The following DNAH7 variants were observed in gnomAD, a reference collection of about 807,000 sequenced individuals.
The protein encoded by DNAH7 is dynein axonemal heavy chain 7.
A neutral mutation model predicts 444.6 loss-of-function variants in DNAH7; 397 were observed. The observed-to-expected ratio is 0.89, with a 90% confidence interval of 0.82 to 0.97. The LOEUF (loss-of-function observed/expected upper bound fraction) is 0.97, where lower values mean the gene tolerates loss of function less well. Ranked by LOEUF, DNAH7 falls within the 50% of genes least tolerant of loss-of-function variation. The pLI is 0.00. For missense variants in DNAH7, 4,902 were observed against 4,800.8 expected (o/e 1.02, Z -0.62); for synonymous variants, 1,636 against 1,624.4 (o/e 1.01, Z -0.17).
At chr2:195,868,777 T>TA (rs1700504124) in intron 40 of DNAH7, among the ~76,000 whole-genome samples, 1 of 150,922 alleles carries the variant, frequency 6.6e-6, no homozygotes, top group African/African-American at 2.4e-5. Flanking sequence ...AACCAGGTGA[T>TA]ACGTGCATTA....
chr2:195,747,405 A>T (rs1356080796), intron 63 of DNAH7, among the ~76,000 whole-genome samples: 1 of 152,250 alleles, frequency 6.6e-6, no homozygotes, highest in Non-Finnish European at 1.5e-5. Flanking sequence ...ATTCTACCAG[A>T]GGCACAAGGA....
intron 49 of DNAH7, among the ~76,000 whole-genome samples, chr2:195,823,555 C>T (rs1424870771): frequency 1.3e-5 from 2 of 152,104 alleles, no homozygotes; most frequent in Non-Finnish European, 2.9e-5. Context: ...ACTCTTGCCT[C>T]TCTATATAAC....
intron 53 of DNAH7, 147 bp from the exon 54 acceptor site, chr2:195,806,979 AAAAT>A (rs1696745076): frequency 3.5e-6 from 2 of 564,138 alleles, no homozygotes. Context: ...GGGACATTAT[AAAAT>A]AAATAATAAT....
rs115005531 is a variant in DNAH7 at position 195,928,483 on chromosome 2, T to C, written c.3472-1917A>G. On this transcript the variant is annotated intron_variant, in intron 21 of 64. Transcript: ENST00000312428. ...GCTAAAGAGTGGCCAAAGTGGAATA[T>C]ATTAATATTGCCAATGGTTACAAAA... is the stretch of plus-strand genomic sequence containing the variant. Among the ~76,000 whole-genome samples the C allele has an allele frequency of 7.1e-3, 1,083 of 152,288 alleles. 7 individuals are homozygous for C. The highest frequency in any genetic ancestry group is 0.024 in the African/African-American group (1,017 of 41,572).
At chr2:195,934,494 T>C in intron 21 of DNAH7, 97 bp downstream of exon 21, 1 of 1,299,100 alleles carries the variant, frequency 7.7e-7, no homozygotes. Context: ...CATGCCTCCA[T>C]TTCTGTTTAA....
Position 195,886,210 on chromosome 2 carries a change from A to G in DNAH7, c.5469T>C (p.Phe1823=). 8 of 1,613,988 alleles carry G rather than the reference A, an allele frequency of 5.0e-6. No individual in the cohort carries two copies. The highest frequency in any genetic ancestry group is 5.9e-6 in the Non-Finnish European group (7 of 1,179,934). Residue 1823 remains phenylalanine, a synonymous_variant, in exon 34 of 65, where the codon TTT becomes TTC. Coordinates refer to ENST00000312428, the MANE Select transcript of DNAH7 (RefSeq NM_018897.3). ...TGACTTCATCAGCAAAATCATCCAT[A>G]AAACAGTCTATTAGATTCATTAAGG... ...VRSLMNLIDC[F]MDDFADEVKL...
At chr2:195,921,193 A>G (rs1278720728) in intron 24 of DNAH7, among the ~76,000 whole-genome samples, 1 of 152,244 alleles carries the variant, frequency 6.6e-6, no homozygotes, top group African/African-American at 2.4e-5. Context: ...CATTTGATCA[A>G]GCAATCCCAT....
intron 19 of DNAH7, among the ~76,000 whole-genome samples, chr2:195,952,346 G>C (rs777343103): frequency 4.6e-5 from 7 of 151,602 alleles, no homozygotes; most frequent in Non-Finnish European, 1.0e-4. Context: ...CGACCTTTCT[G>C]GCTGCCCTTA....
At chr2:195,815,817 A>T (rs1010466268) in intron 51 of DNAH7, among the ~76,000 whole-genome samples, 2 of 152,140 alleles carry the variant, frequency 1.3e-5, no homozygotes, top group African/African-American at 4.8e-5. Context: ...CCTGGCTGAC[A>T]TGGTGAAACC....
At chr2:195,741,818 T>A (rs1158209128) in intron 63 of DNAH7, among the ~76,000 whole-genome samples, 1 of 152,184 alleles carries the variant, frequency 6.6e-6, no homozygotes, top group Non-Finnish European at 1.5e-5. Flanking sequence ...GATGGAAATG[T>A]TCTATGTGTT....
chr2:195,940,187 G>A (rs1689328941), intron 19 of DNAH7, among the ~76,000 whole-genome samples: 2 of 152,010 alleles, frequency 1.3e-5, no homozygotes, highest in African/African-American at 2.4e-5. Context: ...ATAGACCAAT[G>A]GAACAGAACA....
intron 26 of DNAH7, 60 bp downstream of exon 26, chr2:195,906,847 T>C: frequency 6.2e-7 from 1 of 1,608,400 alleles, no homozygotes; most frequent in Non-Finnish European, 8.5e-7. Context: ...AGCTGTGCCA[T>C]TCACTACCTC....
chr2:195,876,111 C>G (rs1014608926), intron 37 of DNAH7, among the ~76,000 whole-genome samples: 1 of 152,122 alleles, frequency 6.6e-6, no homozygotes. Flanking sequence ...ATTTGTTTCT[C>G]AATATACTGC....
intron 1 of DNAH7, among the ~76,000 whole-genome samples, chr2:196,060,332 C>T (rs1698068027): frequency 6.6e-6 from 1 of 152,160 alleles, no homozygotes; most frequent in African/African-American, 2.4e-5. Context: ...CCATTATCCC[C>T]CAAACTCTCT....
At chr2:196,018,623 CA>C (rs1000300415) in intron 9 of DNAH7, among the ~76,000 whole-genome samples, 3 of 151,866 alleles carry the variant, frequency 2.0e-5, no homozygotes. Context: ...ACAAATAAAG[CA>C]GAAATTCTAG....
chr2:195,932,528 T>G (rs990486291), intron 21 of DNAH7, among the ~76,000 whole-genome samples: 3 of 152,136 alleles, frequency 2.0e-5, no homozygotes, highest in Non-Finnish European at 2.9e-5. Context: ...TTTTTGCCCA[T>G]TCAGTATGAT....
chr2:195,813,263 T>C (rs1211017693), intron 51 of DNAH7, among the ~76,000 whole-genome samples: 1 of 152,248 alleles, frequency 6.6e-6, no homozygotes, highest in African/African-American at 2.4e-5. Flanking sequence ...ATTCTTTATG[T>C]TGAAAATAAG....
intron 10 of DNAH7, 50 bp from the exon 11 acceptor site, chr2:196,001,908 C>T (rs1489507016): frequency 5.5e-6 from 8 of 1,446,244 alleles, no homozygotes; most frequent in Non-Finnish European, 7.5e-6. Context: ...GTGAATTACT[C>T]CTTTTATATT....
At chr2:195,978,557 A>G (rs1692351947) in intron 15 of DNAH7, among the ~76,000 whole-genome samples, 1 of 152,122 alleles carries the variant, frequency 6.6e-6, no homozygotes, top group African/African-American at 2.4e-5. Flanking sequence ...CTTACTTATC[A>G]ATCAAAATTA....
Sources: allele counts gnomAD v4.1 joint callset (sites outside exome capture counted in the v4.1 genomes callset), GRCh38; gene constraint gnomAD v4.1.1; transcripts MANE v1.5; gene names NCBI Gene and HGNC (gene_info 2026-07-23, HGNC 2026-07-21).